Variants in GRAP2 observed in about 807,000 individuals in gnomAD.
The protein encoded by GRAP2 is GRB2 related adaptor protein 2.
In GRAP2, 31 loss-of-function variants were observed where a neutral mutation model predicts 43.5. That is an observed-to-expected ratio of 0.71 (90% CI 0.54 to 0.96). The LOEUF is 0.96. Ranked by LOEUF, GRAP2 falls within the 40% of genes least tolerant of loss-of-function variation. The pLI, the probability that GRAP2 is intolerant of heterozygous loss-of-function variation, is 0.00. For missense variants in GRAP2, 371 were observed against 424.4 expected, an observed-to-expected ratio of 0.87 and a Z score of 1.11; for synonymous variants, 156 against 164.8, an observed-to-expected ratio of 0.95 and a Z score of 0.41.
Position 39,901,120 on chromosome 22 carries a change from G to A in GRAP2, c.-225G>A, listed in dbSNP as rs1418550258. On this transcript the variant is annotated 5_prime_UTR_variant, in exon 1 of 8. Transcript: ENST00000344138. ...CTGACTAGGGTTAGTTTGGAGGAGG[G>A]AGTAAGAGGTGGGGAGGAGGAGGCA... 9 of 412,114 alleles carry A rather than the reference G, an allele frequency of 2.2e-5. No individual in the cohort carries two copies. Among genetic ancestry groups the A allele is most frequent in the Non-Finnish European group, 4.4e-5 (9 of 206,394 alleles). 25.5% of individuals were successfully genotyped at this position (412,114 alleles called of 1,614,324 possible).
At chr22:39,917,771 T>C (rs946831862) in intron 1 of GRAP2, among the ~76,000 whole-genome samples, 5 of 152,228 alleles carry the variant, frequency 3.3e-5, no homozygotes, top group African/African-American at 9.6e-5. Flanking sequence ...AAAATATCTC[T>C]AAGAAAAATT....
At chr22:39,897,102 G>A (rs913450553), upstream of GRAP2, among the ~76,000 whole-genome samples, 3 of 152,082 alleles carry the variant, frequency 2.0e-5, no homozygotes, top group Middle Eastern at 3.2e-3. Flanking sequence ...AACTCTCAAG[G>A]TTTTCTCTTC....
At chr22:39,959,230 G>A (rs916984748) in intron 3 of GRAP2, among the ~76,000 whole-genome samples, 1 of 152,186 alleles carries the variant, frequency 6.6e-6, no homozygotes, top group Non-Finnish European at 1.5e-5. Flanking sequence ...GCCTGGCCCT[G>A]TGTAAGTGTT....
chr22:39,959,547 G>A (rs2067093813), intron 3 of GRAP2, among the ~76,000 whole-genome samples: 1 of 152,144 alleles, frequency 6.6e-6, no homozygotes, highest in Non-Finnish European at 1.5e-5. Context: ...GCCCTGGGCT[G>A]TAACTTTCCT....
chr22:39,894,721 C>T, the GRAP2 span, among the ~76,000 whole-genome samples: 3 of 152,160 alleles, frequency 2.0e-5, no homozygotes, highest in South Asian at 2.1e-4. Context: ...TCCGTGAGCA[C>T]CCACTTTGTG....
intron 2 of GRAP2, among the ~76,000 whole-genome samples, chr22:39,953,634 G>C (rs2067014280): frequency 6.6e-6 from 1 of 152,156 alleles, no homozygotes; most frequent in South Asian, 2.1e-4. Flanking sequence ...ATTAGAGACA[G>C]AGTCTCTCTC....
Position 39,973,058 on chromosome 22 carries a change from G to A in GRAP2, c.*1974G>A, listed in dbSNP as rs1019630787. On this transcript the variant is annotated 3_prime_UTR_variant, in exon 8 of 8. Coordinates refer to ENST00000344138, the MANE Select transcript of GRAP2 (RefSeq NM_004810.4). ...AAGGCAGGGAGCAAAGAAGCATAAGGAAAAGAACAGGAGAAAGAACAAAGG... is the reference window on the plus strand; with the variant it reads ...AAGGCAGGGAGCAAAGAAGCATAAGAAAAAGAACAGGAGAAAGAACAAAGG... 5 of 152,936 alleles carry A rather than the reference G, an allele frequency of 3.3e-5. No individual in the cohort carries two copies. The highest frequency in any genetic ancestry group is 1.2e-4 in the African/African-American group (5 of 41,458). 9.5% of individuals were successfully genotyped at this position (152,936 alleles called of 1,614,324 possible). A position where few individuals can be genotyped will look rare whatever the true frequency, so the allele number is the denominator to read the frequency against.
chr22:39,934,025 ATT>A (rs2066782673), intron 1 of GRAP2, among the ~76,000 whole-genome samples: 5 of 152,184 alleles, frequency 3.3e-5, no homozygotes. Flanking sequence ...CGGAAAAGCA[ATT>A]GCCGAAGAGG....
intron 1 of GRAP2, among the ~76,000 whole-genome samples, chr22:39,921,611 G>A (rs1300179423): frequency 1.3e-5 from 2 of 152,104 alleles, no homozygotes; most frequent in Admixed American, 1.3e-4. Context: ...GTCTCTTCAA[G>A]TTTCTCTTTT....
chr22:39,964,689 G>A, intron 4 of GRAP2: 2 of 374,674 alleles, frequency 5.3e-6, no homozygotes, highest in Non-Finnish European at 9.5e-6. Flanking sequence ...TCTTGGAGCT[G>A]TTGTACATTT....
chr22:39,931,822 T>A (rs1274330898), intron 1 of GRAP2, among the ~76,000 whole-genome samples: 2 of 152,190 alleles, frequency 1.3e-5, no homozygotes, highest in Admixed American at 1.3e-4. Flanking sequence ...AATTCCAATA[T>A]ATAAAACTTA....
intron 1 of GRAP2, among the ~76,000 whole-genome samples, chr22:39,933,451 G>A (rs1252658240): frequency 1.3e-5 from 2 of 152,298 alleles, no homozygotes; most frequent in East Asian, 3.9e-4. Context: ...GATTGTTGAA[G>A]GCCTGAAATG....
chr22:39,896,512 A>G (rs562214661), upstream of GRAP2, among the ~76,000 whole-genome samples: 3 of 152,318 alleles, frequency 2.0e-5, no homozygotes, highest in African/African-American at 7.2e-5. Flanking sequence ...TCTGAGCAAC[A>G]GGTGGGAGAT....
chr22:39,913,930 T>C (rs2145579032), intron 1 of GRAP2, among the ~76,000 whole-genome samples: 2 of 152,252 alleles, frequency 1.3e-5, no homozygotes, highest in African/African-American at 4.8e-5. Flanking sequence ...CTGCACACAG[T>C]GTGATTTCTA....
At chr22:39,967,391 G>C (rs1041289040) in intron 5 of GRAP2, among the ~76,000 whole-genome samples, 8 of 152,190 alleles carry the variant, frequency 5.3e-5, no homozygotes, top group African/African-American at 1.9e-4. Context: ...GGGATTAAAT[G>C]AGTTGATATT....
rs566924403 is a variant in GRAP2, at chr22:39,940,797, A to T, written c.-14-6296A>T. Reference sequence around the variant, plus strand: ...ATGACCACGAATTCTTTGACATCTAAGCAATTCTGTATTTTAAAGGTTTGA... The same window carrying T: ...ATGACCACGAATTCTTTGACATCTATGCAATTCTGTATTTTAAAGGTTTGA... On this transcript the variant is annotated intron_variant, in intron 1 of 7. Coordinates refer to ENST00000344138, the MANE Select transcript of GRAP2 (RefSeq NM_004810.4). Among the ~76,000 whole-genome samples the T allele has an allele frequency of 3.3e-5, 5 of 152,320 alleles. No individual in the cohort carries two copies. The East Asian group carries it at 9.6e-4, about 29-fold the overall frequency.
At chr22:39,964,500 G>T in intron 4 of GRAP2, 1 of 1,037,430 alleles carries the variant, frequency 9.6e-7, no homozygotes, top group East Asian at 2.4e-5. Context: ...AACTCGAGGT[G>T]CTAAAAGCGA....
intron 3 of GRAP2, 119 bp from the exon 4 acceptor site, chr22:39,959,936 C>A: frequency 2.3e-6 from 2 of 865,144 alleles, no homozygotes; most frequent in Middle Eastern, 2.3e-4. Flanking sequence ...TGGTCTCTCT[C>A]TGCTCCCTAC....
At chr22:39,911,370 TC>T (rs2066564153) in intron 1 of GRAP2, among the ~76,000 whole-genome samples, 5 of 151,992 alleles carry the variant, frequency 3.3e-5, no homozygotes, top group African/African-American at 1.2e-4. Flanking sequence ...AAAATGACTC[TC>T]TTCCCTCCAT....
Sources: allele counts gnomAD v4.1 joint callset (sites outside exome capture counted in the v4.1 genomes callset), GRCh38; gene constraint gnomAD v4.1.1; transcripts MANE v1.5; gene names NCBI Gene and HGNC (gene_info 2026-07-23, HGNC 2026-07-21).